LIN9: variants seen among roughly 807,000 people sequenced by gnomAD.
LIN9 encodes lin-9 DREAM MuvB core complex component, also known as protein lin-9 homolog.
A neutral mutation model predicts 78.0 loss-of-function variants in LIN9; 18 were observed. The observed-to-expected ratio is 0.23, with a 90% CI of 0.16 to 0.34. LIN9 has a LOEUF of 0.34. Ranked by LOEUF, LIN9 falls within the 10% of genes least tolerant of loss-of-function variation. The pLI is 1.00. For synonymous variants in LIN9, 192 were observed against 215.2 expected (o/e 0.89, Z 0.94); for missense variants, 451 against 644.1 (o/e 0.70, Z 3.25).
At chr1:226,247,317 T>C (rs1311565712) in intron 11 of LIN9, among the ~76,000 whole-genome samples, 1 of 152,154 alleles carries the variant, frequency 6.6e-6, no homozygotes, top group African/African-American at 2.4e-5. Context: ...CAGTTGATTT[T>C]CTTTTTTCCT....
chr1:226,273,838 T>C lies in LIN9; in HGVS notation c.682+3937A>G, dbSNP rs939642223. On this transcript the variant is annotated intron_variant, in intron 7 of 14. Coordinates refer to ENST00000681046, the MANE Select transcript of LIN9 (RefSeq NM_001366245.2). ...CAATGCTCCCTCTCAACATTACTTT[T>C]TTTTTTTTTTTTTCTTTGAGACGGA... Among the ~76,000 whole-genome samples, 4 of 151,244 alleles carry C rather than the reference T, an allele frequency of 2.6e-5. No homozygotes were observed. In the East Asian group the frequency reaches 7.8e-4, roughly 29 times the overall value.
upstream of LIN9, chr1:226,309,562 G>T (rs1235026804): frequency 1.8e-5 from 21 of 1,183,138 alleles, no homozygotes; most frequent in Non-Finnish European, 2.0e-5. Context: ...CCGGCGGGGG[G>T]AAAGAAGCCC....
upstream of LIN9, chr1:226,309,668 C>G (rs973046532): frequency 1.2e-5 from 16 of 1,283,560 alleles, no homozygotes; most frequent in Admixed American, 3.7e-4. Flanking sequence ...CGTCCCCTCA[C>G]TTTTCCCGAG....
At chr1:226,309,252 G>C, upstream of LIN9, 1 of 1,290,450 alleles carries the variant, frequency 7.7e-7, no homozygotes, top group Non-Finnish European at 1.0e-6. Flanking sequence ...GCGGCGCCGC[G>C]CTGCGCTGCT....
chr1:226,243,782 T>G (rs1018292363), intron 11 of LIN9, among the ~76,000 whole-genome samples: 2 of 143,328 alleles, frequency 1.4e-5, no homozygotes, highest in Admixed American at 1.4e-4. Context: ...AAAAAATAAA[T>G]ACAAAGAAAG....
chr1:226,262,383 G>A (rs1211080993), intron 10 of LIN9, among the ~76,000 whole-genome samples: 1 of 152,100 alleles, frequency 6.6e-6, no homozygotes, highest in Non-Finnish European at 1.5e-5. Context: ...ATATACATCC[G>A]ATAAGGAACT....
At chr1:226,297,193 CT>C (rs1352915820) in intron 3 of LIN9, among the ~76,000 whole-genome samples, 1 of 152,124 alleles carries the variant, frequency 6.6e-6, no homozygotes, top group Non-Finnish European at 1.5e-5. Context: ...GTGACTGCTG[CT>C]GTCTATCCCA....
chr1:226,250,181 A>AG (rs1658742831), intron 11 of LIN9, among the ~76,000 whole-genome samples: 1 of 152,104 alleles, frequency 6.6e-6, no homozygotes, highest in African/African-American at 2.4e-5. Context: ...AAAAAAAAAA[A>AG]AAAAGACTTC....
chr1:226,246,145 T>G (rs1274206482), intron 11 of LIN9, among the ~76,000 whole-genome samples: 1 of 152,206 alleles, frequency 6.6e-6, no homozygotes, highest in African/African-American at 2.4e-5. Context: ...AATCTTCATG[T>G]TTCTTTTACA....
chr1:226,251,945 T>A (rs894299413), intron 10 of LIN9, among the ~76,000 whole-genome samples: 2 of 152,132 alleles, frequency 1.3e-5, no homozygotes, highest in East Asian at 3.9e-4. Flanking sequence ...TGATAATCAA[T>A]GGCAGCTAAC....
At chr1:226,258,006 C>T (rs974624502) in intron 10 of LIN9, among the ~76,000 whole-genome samples, 12 of 151,766 alleles carry the variant, frequency 7.9e-5, no homozygotes, top group Admixed American at 5.9e-4. Flanking sequence ...GGTACACTGA[C>T]ACCCCATGTC....
intron 5 of LIN9, among the ~76,000 whole-genome samples, chr1:226,286,780 C>A (rs1354545794): frequency 6.6e-6 from 1 of 152,174 alleles, no homozygotes; most frequent in African/African-American, 2.4e-5. Flanking sequence ...TACAAAGTAT[C>A]TTTGTCCCAA....
At chr1:226,266,932 A>G (rs1659955622) in intron 8 of LIN9, among the ~76,000 whole-genome samples, 1 of 151,748 alleles carries the variant, frequency 6.6e-6, no homozygotes, top group Non-Finnish European at 1.5e-5. Flanking sequence ...GACATGTGCT[A>G]CCCCACCCAG....
chr1:226,287,625 G>C (rs774646747), intron 5 of LIN9, 39 bp downstream of exon 5: 1 of 1,398,068 alleles, frequency 7.2e-7, no homozygotes. Context: ...TTAAATTTCT[G>C]ATTCAAGTAA....
At chr1:226,248,711 A>T (rs1029138650) in intron 11 of LIN9, among the ~76,000 whole-genome samples, 6 of 152,200 alleles carry the variant, frequency 3.9e-5, no homozygotes, top group Non-Finnish European at 5.9e-5. Flanking sequence ...ATATGCACAG[A>T]AAAAGAAATC....
chr1:226,277,052 A>T (rs1406897881), intron 7 of LIN9, among the ~76,000 whole-genome samples: 1 of 152,010 alleles, frequency 6.6e-6, no homozygotes, highest in Admixed American at 6.6e-5. Context: ...TTAAAAATAA[A>T]AAAAATTTAC....
chr1:226,267,345 T>TGTATGTATGTATGTATGTAA, intron 8 of LIN9, among the ~76,000 whole-genome samples: 1 of 146,690 alleles, frequency 6.8e-6, no homozygotes. Flanking sequence ...TATGTATGTA[T>TGTATGTATGTATGTATGTAA]ATTCTAGGCA....
chr1:226,297,847 G>T, intron 2 of LIN9, 34 bp from the exon 3 acceptor site: 5 of 1,330,416 alleles, frequency 3.8e-6, no homozygotes, highest in South Asian at 1.6e-5. Context: ...TGGAATTTTG[G>T]CTTAGTTCAA....
intron 3 of LIN9, among the ~76,000 whole-genome samples, chr1:226,297,332 T>G (rs757475024): frequency 4.3e-4 from 66 of 152,186 alleles, no homozygotes; most frequent in Non-Finnish European, 8.8e-4. Context: ...CACCTCTAAA[T>G]GCACTTACCT....
Sources: allele counts gnomAD v4.1 joint callset (sites outside exome capture counted in the v4.1 genomes callset), GRCh38; gene constraint gnomAD v4.1.1; transcripts MANE v1.5; gene names NCBI Gene and HGNC (gene_info 2026-07-23, HGNC 2026-07-21).